AFAP1L2: variants seen among roughly 807,000 people sequenced by gnomAD.
AFAP1L2 encodes the protein actin filament-associated protein 1-like 2.
A neutral mutation model predicts 99.3 loss-of-function variants in AFAP1L2; 46 were observed. The observed-to-expected ratio is 0.46, with a 90% CI of 0.37 to 0.59. The LOEUF (loss-of-function observed/expected upper bound fraction) is 0.59. Among genes scored for constraint, AFAP1L2 ranks in the 20% least tolerant of loss-of-function variants. The pLI, the probability that AFAP1L2 is intolerant of heterozygous loss-of-function variation, is 0.00. For synonymous variants in AFAP1L2, 397 were observed against 419.1 expected, an observed-to-expected ratio of 0.95 and a Z score of 0.64; for missense variants, 959 against 1,034.9, an observed-to-expected ratio of 0.93 and a Z score of 1.01.
intron 1 of AFAP1L2, among the ~76,000 whole-genome samples, chr10:114,391,908 G>A (rs528124752): frequency 2.0e-5 from 3 of 152,172 alleles, no homozygotes; most frequent in Non-Finnish European, 4.4e-5. Flanking sequence ...GTACAGAGGG[G>A]CTCAGGCTTT....
chr10:114,382,261 T>C (rs1439627578), intron 1 of AFAP1L2, among the ~76,000 whole-genome samples: 1 of 152,172 alleles, frequency 6.6e-6, no homozygotes, highest in East Asian at 1.9e-4. Context: ...TGGGGGAAAA[T>C]GTAAATGCCC....
At chr10:114,341,482 G>A (rs758114412) in intron 1 of AFAP1L2, among the ~76,000 whole-genome samples, 7 of 152,010 alleles carry the variant, frequency 4.6e-5, no homozygotes, top group South Asian at 2.1e-4. Context: ...GCATGGTGGC[G>A]TGCACCTGTG....
chr10:114,375,364 T>A (rs2054648655), intron 1 of AFAP1L2, among the ~76,000 whole-genome samples: 1 of 152,186 alleles, frequency 6.6e-6, no homozygotes, highest in Admixed American at 6.5e-5. Context: ...CAGCCCCAAT[T>A]CTAGAGCAGG....
Position 114,390,065 on chromosome 10 carries a change from G to T in AFAP1L2, c.16+14375C>A, listed in dbSNP as rs193288226. Among the ~76,000 whole-genome samples the T allele has an allele frequency of 2.6e-5, 4 of 152,242 alleles. No homozygotes were observed. In the East Asian group the frequency reaches 7.7e-4, roughly 29 times the overall value. The stretch of plus-strand genomic sequence containing the variant: ...GCAACAACGATGACCTTCCTAATAT[G>T]CACCTTTCCGTTTGTATGTGTTTTG... On this transcript the variant is annotated intron_variant, in intron 1 of 18. Coordinates refer to ENST00000304129, the MANE Select transcript of AFAP1L2 (RefSeq NM_001001936.3).
chr10:114,286,303 G>A, the AFAP1L2 span: 1 of 1,611,012 alleles, frequency 6.2e-7, no homozygotes. Context: ...TGCTCACTGA[G>A]TCACACTCCG....
chr10:114,362,993 C>G, intron 1 of AFAP1L2: 1 of 985,338 alleles, frequency 1.0e-6, no homozygotes, highest in African/African-American at 1.7e-5. Flanking sequence ...GGTGGCAGCC[C>G]GACAGGTGGG....
chr10:114,340,795 C>T, intron 1 of AFAP1L2, 64 bp from the exon 2 acceptor site: 1 of 1,608,730 alleles, frequency 6.2e-7, no homozygotes. Context: ...AGCTCAGATA[C>T]ACCTCGGGAC....
intron 1 of AFAP1L2, among the ~76,000 whole-genome samples, chr10:114,394,517 T>C (rs981487619): frequency 1.3e-5 from 2 of 152,114 alleles, no homozygotes; most frequent in African/African-American, 4.8e-5. Flanking sequence ...ATCCCTTCTT[T>C]GGACTCAAGA....
the AFAP1L2 span, chr10:114,285,895 G>A: frequency 1.2e-5 from 18 of 1,531,060 alleles, no homozygotes; most frequent in Admixed American, 5.7e-5. Context: ...CTCGCATGCC[G>A]CATGACCATG....
rs757540392 is a variant in AFAP1L2, at chr10:114,301,449, A to G, written c.1447T>C (p.Phe483Leu). ...TCGATGTAAGTGTTGGGCTCTGAGA[A>G]CTTTCTCTGCATCAGTCTGGAAACA... The part of the protein sequence containing the change: ...KNSLLLMQRK[F>L]SEPNTYIDGL... The change falls in exon 13 of 19, where the codon TTC becomes CTC. Residue 483 changes from phenylalanine (F) to leucine (L), a missense_variant. Coordinates refer to ENST00000304129, the MANE Select transcript of AFAP1L2 (RefSeq NM_001001936.3). The G allele has an allele frequency of 4.6e-5, 74 of 1,613,812 alleles. 2 individuals are homozygous for G. In the South Asian group the frequency reaches 8.1e-4, roughly 18 times the overall value.
intron 1 of AFAP1L2, among the ~76,000 whole-genome samples, chr10:114,373,643 CA>C (rs201870671): frequency 6.7e-6 from 1 of 148,646 alleles, no homozygotes; most frequent in African/African-American, 2.5e-5. Flanking sequence ...CCACCAACGA[CA>C]AAAAAAAACA....
intron 1 of AFAP1L2, among the ~76,000 whole-genome samples, chr10:114,368,723 G>T (rs1352172334): frequency 6.7e-6 from 1 of 149,160 alleles, no homozygotes; most frequent in Admixed American, 6.7e-5. Flanking sequence ...CCAATGTATT[G>T]TTTACTTGAA....
chr10:114,290,242 G>A, downstream of AFAP1L2: 2 of 1,550,464 alleles, frequency 1.3e-6, no homozygotes, highest in Non-Finnish European at 1.7e-6. Flanking sequence ...CATTGTAGAA[G>A]CCAAGCAGCC....
At chr10:114,346,276 G>A (rs2049555197) in intron 1 of AFAP1L2, among the ~76,000 whole-genome samples, 1 of 152,142 alleles carries the variant, frequency 6.6e-6, no homozygotes, top group South Asian at 2.1e-4. Context: ...CTCTCTTGCT[G>A]GCGTCTGCCT....
intron 11 of AFAP1L2, among the ~76,000 whole-genome samples, chr10:114,303,952 A>C (rs2041676912): frequency 6.6e-6 from 1 of 151,994 alleles, no homozygotes; most frequent in Middle Eastern, 3.4e-3. Context: ...ATAACATCAC[A>C]CTCCCAAACT....
rs1221278851 is a variant in AFAP1L2, at chr10:114,308,714, T to C, written c.883-197A>G. 2.6e-5 allele frequency among the ~76,000 whole-genome samples: 4 copies of C among 152,214 alleles called. No homozygotes were observed. In the South Asian group the frequency reaches 8.3e-4, roughly 31 times the overall value. ...CCAGCTTCCAAATGGCTGCTCAACC[T>C]GATGTGACAGTGACCCTGTAGCCAG... is the stretch of plus-strand genomic sequence containing the variant. On this transcript the variant is annotated intron_variant, in intron 8 of 18. Transcript: ENST00000304129.
chr10:114,302,624 C>T, intron 11 of AFAP1L2, 140 bp from the exon 12 acceptor site: 1 of 1,026,678 alleles, frequency 9.7e-7, no homozygotes, highest in Non-Finnish European at 1.4e-6. Context: ...CTGTGCTTCT[C>T]CTGTTCACCA....
At chr10:114,373,623 T>G (rs752483520) in intron 1 of AFAP1L2, among the ~76,000 whole-genome samples, 3 of 151,878 alleles carry the variant, frequency 2.0e-5, no homozygotes, top group Non-Finnish European at 4.4e-5. Flanking sequence ...AGATTCTGTC[T>G]CAAACACCAC....
chr10:114,356,392 C>T (rs2051391207), intron 1 of AFAP1L2, among the ~76,000 whole-genome samples: 1 of 152,014 alleles, frequency 6.6e-6, no homozygotes, highest in Non-Finnish European at 1.5e-5. Context: ...CGGTTTCCCC[C>T]GCCAAACAAA....
Sources: gnomAD v4.1 joint callset for allele counts (sites outside exome capture counted in the v4.1 genomes callset) on GRCh38, gnomAD v4.1.1 for gene constraint, MANE v1.5 for transcripts, NCBI Gene and HGNC (gene_info 2026-07-23, HGNC 2026-07-21) for gene names.